R3HDM1: variants seen among roughly 807,000 people sequenced by gnomAD.
R3HDM1 encodes the protein R3H domain containing 1.
In R3HDM1, 46 loss-of-function variants were observed where a neutral mutation model predicts 141.1. The observed-to-expected ratio is 0.33, with a 90% CI of 0.26 to 0.42. The LOEUF is 0.42. R3HDM1 is among the 10% of genes least tolerant of loss of function. R3HDM1 has a pLI of 1.00. For missense variants in R3HDM1, 1,184 were observed against 1,368.3 expected (o/e 0.87, Z 2.12); for synonymous variants, 435 against 472.9 (o/e 0.92, Z 1.04).
intron 6 of R3HDM1, 42 bp downstream of exon 6, chr2:135,621,650 AT>A: frequency 6.7e-7 from 1 of 1,485,502 alleles, no homozygotes; most frequent in Non-Finnish European, 9.0e-7. Flanking sequence ...AAATTTTGCT[AT>A]CAGTAATTCC....
At position 135,675,446 on chromosome 2, in the gene R3HDM1, A is replaced by C. The variant is rs1214469608; in HGVS notation, c.2267A>C (p.Gln756Pro). The C allele has an allele frequency of 6.2e-7, 1 of 1,614,008 alleles. No individual in the cohort carries two copies. The highest frequency in any genetic ancestry group is 8.5e-7 in the Non-Finnish European group (1 of 1,179,910). Residue 756 changes from glutamine to proline, a missense_variant, in exon 20 of 27, where the codon CAA becomes CCA. Transcript: ENST00000683871. Reference sequence around the variant, plus strand: ...CCCAACAGCATTGGAAATCAGATTCAAGGAGTGGTCATCCCCTATACTTCA... The same window carrying C: ...CCCAACAGCATTGGAAATCAGATTCCAGGAGTGGTCATCCCCTATACTTCA... ...GQPNSIGNQI[Q>P]GVVIPYTSVP...
At chr2:135,600,550 ATCAGAAAACTGCAGC>A (rs150229439) in intron 1 of R3HDM1, among the ~76,000 whole-genome samples, 10,355 of 152,234 alleles carry the variant, frequency 0.068, 725 homozygotes, top group African/African-American at 0.18. Flanking sequence ...CACTTTGCAG[ATCAGAAAACTGCAGC>A]TCAGAGAGAT....
intron 1 of R3HDM1, chr2:135,597,332 A>G (rs1197714702): frequency 4.3e-6 from 4 of 927,714 alleles, no homozygotes; most frequent in African/African-American, 1.8e-5. Context: ...TTCTGTGGTT[A>G]TTTGGTAAAT....
chr2:135,685,960 T>A (rs2071258056), intron 21 of R3HDM1, among the ~76,000 whole-genome samples: 1 of 151,922 alleles, frequency 6.6e-6, no homozygotes, highest in Non-Finnish European at 1.5e-5. Flanking sequence ...ATATCTGATA[T>A]CCAAAATATT....
intron 1 of R3HDM1, among the ~76,000 whole-genome samples, chr2:135,567,950 C>G (rs1703179746): frequency 7.8e-6 from 1 of 127,958 alleles, no homozygotes; most frequent in African/African-American, 3.0e-5. Flanking sequence ...TAGGATCTTA[C>G]TCTTTTGACC....
intron 1 of R3HDM1, among the ~76,000 whole-genome samples, chr2:135,545,192 G>A (rs1320378736): frequency 1.3e-5 from 2 of 152,140 alleles, no homozygotes; most frequent in Admixed American, 1.3e-4. Flanking sequence ...AGGACGTTAT[G>A]GATTCACTCA....
At chr2:135,550,112 T>C (rs1311950144) in intron 1 of R3HDM1, 2 of 984,090 alleles carry the variant, frequency 2.0e-6, no homozygotes, top group Non-Finnish European at 2.4e-6. Flanking sequence ...GTCCATATGA[T>C]AAATTACAAA....
At chr2:135,687,400 G>T (rs1298444421) in intron 21 of R3HDM1, among the ~76,000 whole-genome samples, 1 of 152,108 alleles carries the variant, frequency 6.6e-6, no homozygotes, top group Admixed American at 6.6e-5. Context: ...TTTATTAAAA[G>T]GGTAGCTCTC....
At chr2:135,679,066 CTTTTTTTTTTTTTTT>C (rs141175748) in intron 20 of R3HDM1, among the ~76,000 whole-genome samples, 27 of 70,580 alleles carry the variant, frequency 3.8e-4, no homozygotes, top group Admixed American at 1.3e-3. Flanking sequence ...GCCCGGCTTT[CTTTTTTTTTTTTTTT>C]TTTTTTTTTT....
At chr2:135,710,293 T>A in intron 23 of R3HDM1, 62 bp downstream of exon 23, 1 of 1,500,370 alleles carries the variant, frequency 6.7e-7, no homozygotes, top group Non-Finnish European at 9.1e-7. Context: ...AAGATTGACT[T>A]ATAAGGCTTG....
At chr2:135,622,589 G>A (rs2061617890) in intron 6 of R3HDM1, 65 bp from the exon 7 acceptor site, 1 of 1,502,664 alleles carries the variant, frequency 6.7e-7, no homozygotes, top group South Asian at 1.3e-5. Context: ...TACATCATGT[G>A]TAAAAGGGAA....
chr2:135,701,282 A>T (rs1456377979), intron 21 of R3HDM1, among the ~76,000 whole-genome samples: 1 of 151,812 alleles, frequency 6.6e-6, no homozygotes, highest in Non-Finnish European at 1.5e-5. Flanking sequence ...GCACACCTGT[A>T]GTCCTAGCTA....
intron 21 of R3HDM1, among the ~76,000 whole-genome samples, chr2:135,698,136 G>T (rs989092795): frequency 4.6e-5 from 7 of 150,870 alleles, no homozygotes; most frequent in African/African-American, 1.7e-4. Context: ...AGACGGGAAG[G>T]CAGGGATACT....
At chr2:135,563,921 A>G (rs928977067) in intron 1 of R3HDM1, among the ~76,000 whole-genome samples, 4 of 152,194 alleles carry the variant, frequency 2.6e-5, no homozygotes, top group Admixed American at 1.3e-4. Flanking sequence ...GGAGCTTACA[A>G]TCATAGGGAG....
intron 1 of R3HDM1, among the ~76,000 whole-genome samples, chr2:135,589,679 C>G (rs1296636834): frequency 6.6e-6 from 1 of 152,078 alleles, no homozygotes; most frequent in African/African-American, 2.4e-5. Context: ...TTGAACAGAG[C>G]AAGTTTATAT....
chr2:135,607,370 T>G (rs1467896138), intron 3 of R3HDM1: 1 of 975,094 alleles, frequency 1.0e-6, no homozygotes, highest in Non-Finnish European at 1.2e-6. Flanking sequence ...AGACACCAGG[T>G]TAGACAATGA....
intron 1 of R3HDM1, among the ~76,000 whole-genome samples, chr2:135,545,969 T>A (rs1698608178): frequency 6.6e-6 from 1 of 152,228 alleles, no homozygotes; most frequent in South Asian, 2.1e-4. Context: ...TGGGCAGCTT[T>A]TCCTAAAATT....
At chr2:135,672,978 G>A (rs751227491) in intron 19 of R3HDM1, among the ~76,000 whole-genome samples, 8 of 152,076 alleles carry the variant, frequency 5.3e-5, no homozygotes, top group African/African-American at 1.2e-4. Flanking sequence ...ATGGCAGTGC[G>A]CGCCTGTAGC....
intron 19 of R3HDM1, chr2:135,665,583 A>G (rs1297182027): frequency 3.0e-6 from 1 of 334,142 alleles, no homozygotes; most frequent in Non-Finnish European, 6.6e-6. Context: ...ATACCTTTAA[A>G]TCATGCATCA....
Sources: gnomAD v4.1 joint callset for allele counts (sites outside exome capture counted in the v4.1 genomes callset) on GRCh38, gnomAD v4.1.1 for gene constraint, MANE v1.5 for transcripts, NCBI Gene and HGNC (gene_info 2026-07-23, HGNC 2026-07-21) for gene names.